Variants in ZNF20 observed in about 807,000 individuals in gnomAD.
The protein encoded by ZNF20 is zinc finger protein 20, also known as zinc finger protein KOX13.
ZNF20 carries 9 observed loss-of-function variants against 11.0 expected under a neutral mutation model. That is an observed-to-expected ratio of 0.82 (90% CI 0.49 to 1.43). ZNF20 has a LOEUF of 1.43. ZNF20 is among the 40% of genes most tolerant of loss of function. ZNF20 has a pLI of 0.00. For synonymous variants in ZNF20, 182 were observed against 213.0 expected (o/e 0.85, Z 1.27); for missense variants, 528 against 640.8 (o/e 0.82, Z 1.90).
chr19:12,140,100 C>T (rs1251455926), intron 1 of ZNF20, 80 bp downstream of exon 1: 2 of 1,535,288 alleles, frequency 1.3e-6, no homozygotes, highest in Non-Finnish European at 1.8e-6. Flanking sequence ...GGCGAGGAGG[C>T]CCAGATCCCA....
rs1050793478 is a variant in ZNF20, at chr19:12,134,122, G to C, written c.201-137C>G. On this transcript the variant is annotated intron_variant, in intron 3 of 3. Coordinates refer to ENST00000334213, the MANE Select transcript of ZNF20 (RefSeq NM_021143.4). ...GCAGATCACCTGAGGTCAGGAGTTT[G>C]AGACCATCCTGGCCAACATGGTGAA... 6 of 699,938 alleles carry C rather than the reference G, an allele frequency of 8.6e-6. No individual in the cohort carries two copies. The African/African-American group carries it at 1.1e-4, about 13-fold the overall frequency. 43.4% of individuals were successfully genotyped at this position (699,938 alleles called of 1,614,324 possible). A position where few individuals can be genotyped will look rare whatever the true frequency, so the allele number is the denominator to read the frequency against.
intron 3 of ZNF20, 94 bp downstream of exon 3, chr19:12,135,406 C>A: frequency 7.6e-7 from 1 of 1,321,850 alleles, no homozygotes; most frequent in Non-Finnish European, 1.1e-6. Context: ...TCCCAAAGTG[C>A]TGGGATTACA....
At position 12,132,470 on chromosome 19, in the gene ZNF20, C is replaced by G. The variant is rs1976637965; in HGVS notation, c.*117G>C. ...GATTTTATTGTCCTATCGCAAGTCTCTCTTCTCAATTCAAAAAGCAGTTAT... is the reference window on the plus strand; with the variant it reads ...GATTTTATTGTCCTATCGCAAGTCTGTCTTCTCAATTCAAAAAGCAGTTAT... On this transcript the variant is annotated 3_prime_UTR_variant, in exon 4 of 4. Coordinates refer to ENST00000334213, the MANE Select transcript of ZNF20 (RefSeq NM_021143.4). 1.9e-6 allele frequency: 2 copies of G among 1,055,476 alleles called. No homozygotes were observed. The highest frequency in any genetic ancestry group is 1.6e-5 in the African/African-American group (1 of 62,926). 65.4% of individuals were successfully genotyped at this position (1,055,476 alleles called of 1,614,324 possible).
In ZNF20 at chr19:12,133,070, A is replaced by G; in HGVS notation, c.1116T>C (p.Cys372=). The change falls in exon 4 of 4, where the codon TGT becomes TGC. Residue 372 remains cysteine, a synonymous_variant. Coordinates refer to ENST00000334213, the MANE Select transcript of ZNF20 (RefSeq NM_021143.4). The part of the protein sequence containing the change: ...TEDKPYGCKQ[C]GKGFRCASQL... The stretch of plus-strand genomic sequence containing the variant: ...GTGAAGCACATCTAAAGCCTTTCCC[A>G]CACTGCTTACATCCATAGGGTTTAT... 1 of 1,614,048 alleles carries G rather than the reference A, an allele frequency of 6.2e-7. No homozygotes were observed. The highest frequency in any genetic ancestry group is 8.5e-7 in the Non-Finnish European group (1 of 1,180,002).
In ZNF20 at chr19:12,139,121, C is replaced by A. The variant is rs987498292; in HGVS notation, c.3+1059G>T. Among the ~76,000 whole-genome samples, 1 of 152,094 alleles carries A rather than the reference C, an allele frequency of 6.6e-6. No individual in the cohort carries two copies. The highest frequency in any genetic ancestry group is 1.5e-5 in the Non-Finnish European group (1 of 68,030). ...TTGAGGCAGGAAAATAGGGTCTGGACGCAGGGAACATAAGGCCTATTCAAA... is the reference window on the plus strand; with the variant it reads ...TTGAGGCAGGAAAATAGGGTCTGGAAGCAGGGAACATAAGGCCTATTCAAA... On this transcript the variant is annotated intron_variant, in intron 1 of 3. Transcript: ENST00000334213. The surrounding 1 kb of genome is among the most constrained non-coding windows in gnomAD (Gnocchi z 4.0).
Position 12,135,378 on chromosome 19 carries a change from G to T in ZNF20, c.200+122C>A. On this transcript the variant is annotated intron_variant, in intron 3 of 3. Transcript: ENST00000334213. Reference sequence around the variant, plus strand: ...GCTGGTCTCGAACTCCTGACCTTGGGATTCACCCACCTCGACCTCCCAAAG... The same window carrying T: ...GCTGGTCTCGAACTCCTGACCTTGGTATTCACCCACCTCGACCTCCCAAAG... The T allele has an allele frequency of 4.2e-6, 4 of 957,634 alleles. No individual in the cohort carries two copies. In the South Asian group the frequency reaches 5.7e-5, roughly 14 times the overall value. The allele number at this position is 957,634 out of a possible 1,614,324, so 59.3% of individuals were successfully genotyped here. A position where few individuals can be genotyped will look rare whatever the true frequency, so the allele number is the denominator to read the frequency against.
chr19:12,131,590 A>G lies in ZNF20; in HGVS notation c.*997T>C, dbSNP rs1396217061. ...TAAGAATATAAGCATGAAAAGTAAAATCTACATGAGGAAAAATATGCCTGA... is the reference window on the plus strand; with the variant it reads ...TAAGAATATAAGCATGAAAAGTAAAGTCTACATGAGGAAAAATATGCCTGA... On this transcript the variant is annotated 3_prime_UTR_variant, in exon 4 of 4. Transcript: ENST00000334213. 3.9e-5 allele frequency: 6 copies of G among 152,248 alleles called. No homozygotes were observed. The highest frequency in any genetic ancestry group is 1.4e-4 in the African/African-American group (6 of 41,450). The allele number at this position is 152,248 out of a possible 1,614,324, so 9.4% of individuals were successfully genotyped here.
rs1445213852 is a variant in ZNF20 at position 12,132,769 on chromosome 19, G to A, written c.1417C>T (p.His473Tyr). The A allele has an allele frequency of 1.2e-6, 2 of 1,614,098 alleles. No homozygotes were observed. The highest frequency in any genetic ancestry group is 2.2e-5 in the South Asian group (2 of 91,074). Residue 473 changes from histidine to tyrosine, a missense_variant, in exon 4 of 4, where the codon CAC becomes TAC. Transcript: ENST00000334213. ...SSSIRYHERT[H>Y]TGEKPYECKH... ...CATTCATAGGGTTTCTCTCCAGTGT[G>A]AGTCCTTTCATGATATCGAATGGAA... is the stretch of plus-strand genomic sequence containing the variant.
chr19:12,134,774 A>G (rs920451404), intron 3 of ZNF20, among the ~76,000 whole-genome samples: 1 of 152,240 alleles, frequency 6.6e-6, no homozygotes, highest in African/African-American at 2.4e-5. Context: ...TATGCTCTAC[A>G]AGATGGTCTG....
chr19:12,138,169 G>T (rs937291592), intron 1 of ZNF20, among the ~76,000 whole-genome samples: 5 of 152,140 alleles, frequency 3.3e-5, no homozygotes, highest in African/African-American at 9.7e-5. Context: ...AAAGGAAACA[G>T]GCCAGGCACG....
Position 12,136,471 on chromosome 19 carries a change from C to T in ZNF20, c.4-567G>A, listed in dbSNP as rs961488481. 1.5e-4 allele frequency among the ~76,000 whole-genome samples: 23 copies of T among 151,632 alleles called. No homozygotes were observed. The East Asian group carries it at 1.5e-3, about 10-fold the overall frequency. ...CCAAGGTGGGCGGATCACCTGAGGT[C>T]GGGAGTTCGAAACCAGCCTGACCAA... On this transcript the variant is annotated intron_variant, in intron 1 of 3. Coordinates refer to ENST00000334213, the MANE Select transcript of ZNF20 (RefSeq NM_021143.4).
Position 12,133,655 on chromosome 19 carries a change from T to G in ZNF20, c.531A>C (p.Thr177=), listed in dbSNP as rs1464519351. 6.2e-7 allele frequency: 1 copy of G among 1,614,094 alleles called. No individual in the cohort carries two copies. Among genetic ancestry groups the G allele is most frequent in the Non-Finnish European group, 8.5e-7 (1 of 1,180,040 alleles). ...KEKPYDGKEC[T]ETFISHSCIQ... is the part of the protein sequence containing the mutation. ...TGCATGAATGGGAAATGAAGGTTTCTGTACATTCTTTACCATCATAGGGTT... is the reference window on the plus strand; with the variant it reads ...TGCATGAATGGGAAATGAAGGTTTCGGTACATTCTTTACCATCATAGGGTT... The change falls in exon 4 of 4, where the codon ACA becomes ACC. Residue 177 remains threonine, a synonymous_variant. Coordinates refer to ENST00000334213, the MANE Select transcript of ZNF20 (RefSeq NM_021143.4).
rs769900834 is a variant in ZNF20 at position 12,133,584 on chromosome 19, C to A, written c.602G>T (p.Cys201Phe). The A allele has an allele frequency of 1.5e-5, 24 of 1,614,106 alleles. No individual in the cohort carries two copies. The highest frequency in any genetic ancestry group is 1.9e-5 in the Non-Finnish European group (23 of 1,180,056). The change falls in exon 4 of 4, where the codon TGT (cysteine) becomes TTT (phenylalanine). Residue 201 changes from cysteine to phenylalanine, a missense_variant. Transcript: ENST00000334213. The stretch of plus-strand genomic sequence containing the variant: ...ATAGAAGGCTTTCCCACAAAACTTA[C>A]ATTTATAAGGTCCATCTCCACTGTG... ...VMHSGDGPYKCKFCGKAFYFL... is the reference protein window; with the variant it reads ...VMHSGDGPYKFKFCGKAFYFL...
At chr19:12,136,354 C>T (rs542237336) in intron 1 of ZNF20, among the ~76,000 whole-genome samples, 62 of 151,746 alleles carry the variant, frequency 4.1e-4, no homozygotes, top group African/African-American at 1.2e-3. Context: ...CCGGCCTGGG[C>T]GACAAAGCAA....
chr19:12,135,777 G>T lies in ZNF20; in HGVS notation c.131C>A (p.Thr44Asn). 2.5e-6 allele frequency: 4 copies of T among 1,613,850 alleles called. No individual in the cohort carries two copies. The highest frequency in any genetic ancestry group is 3.4e-6 in the Non-Finnish European group (4 of 1,179,918). Reference sequence around the variant, plus strand: ...AATATTGTCATTCTTACCTACAGAGGTCAGGTTCTTGAAGGTTTCCTGCAT... The same window carrying T: ...AATATTGTCATTCTTACCTACAGAGTTCAGGTTCTTGAAGGTTTCCTGCAT... ...DVMQETFKNL[T>N]SVGKTWKVQN... is the part of the protein sequence containing the mutation. Residue 44 changes from threonine to asparagine, a missense_variant, in exon 2 of 4, where the codon ACC becomes AAC. Physicochemically the swap from Thr to Asn is moderately conservative, Grantham distance 65. Transcript: ENST00000334213.
chr19:12,136,958 T>G, intron 1 of ZNF20: 1 of 391,954 alleles, frequency 2.6e-6, no homozygotes, highest in South Asian at 1.8e-5. Context: ...TGACTTCTTA[T>G]GTTACCTTAC....
At chr19:12,136,061 A>C in intron 1 of ZNF20, 157 bp from the exon 2 acceptor site, 1 of 959,424 alleles carries the variant, frequency 1.0e-6, no homozygotes, top group African/African-American at 1.7e-5. Flanking sequence ...CCTCCCACAA[A>C]CCAACCCTTT....
At chr19:12,134,567 C>T (rs147602427) in intron 3 of ZNF20, among the ~76,000 whole-genome samples, 2,210 of 152,248 alleles carry the variant, frequency 0.015, 28 homozygotes, top group Middle Eastern at 0.031. Flanking sequence ...ACCTCGAACC[C>T]AAGCAGTGGC....
In ZNF20 at chr19:12,133,374, C is replaced by T. The variant is rs1459926104; in HGVS notation, c.812G>A (p.Arg271His). The T allele has an allele frequency of 6.2e-6, 10 of 1,614,042 alleles. No individual in the cohort carries two copies. The highest frequency in any genetic ancestry group is 2.2e-5 in the East Asian group (1 of 44,900). The change falls in exon 4 of 4, where the codon CGT becomes CAT. Residue 271 changes from arginine (R) to histidine (H), a missense_variant. Transcript: ENST00000334213. ...TCCAGTGTGAGACCTTTTATGTCTA[C>T]GAATTTCACTAGGAAAACTGAATGC... ...GNAFSFPSEI[R>H]RHKRSHTGEK...
Sources: gnomAD v4.1 joint callset for allele counts (sites outside exome capture counted in the v4.1 genomes callset) on GRCh38, gnomAD v4.1.1 for gene constraint, Gnocchi (gnomAD v3.1) non-coding constraint, MANE v1.5 for transcripts, NCBI Gene and HGNC (gene_info 2026-07-23, HGNC 2026-07-21) for gene names.